The following FADS6 variants were observed in gnomAD, a reference collection of about 807,000 sequenced individuals.
The protein encoded by FADS6 is fatty acid desaturase 6.
In FADS6, 28 loss-of-function variants were observed where a neutral mutation model predicts 31.7. That is an observed-to-expected ratio of 0.88 (90% CI 0.66 to 1.21). The LOEUF (loss-of-function observed/expected upper bound fraction) is 1.21, where lower values mean the gene tolerates loss of function less well. Among genes scored for constraint, FADS6 ranks in the 50% most tolerant of loss-of-function variants. The pLI is 0.00. For synonymous variants in FADS6, 191 were observed against 213.1 expected (o/e 0.90, Z 0.90); for missense variants, 494 against 504.2 (o/e 0.98, Z 0.19).
At chr17:74,875,916 G>C (rs952175779), downstream of FADS6, among the ~76,000 whole-genome samples, 6 of 152,220 alleles carry the variant, frequency 3.9e-5, no homozygotes, top group Admixed American at 3.3e-4. Flanking sequence ...GTTTAATGAA[G>C]GAGTTTGTAT....
chr17:74,887,445 G>A (rs972255272), intron 2 of FADS6, among the ~76,000 whole-genome samples: 1 of 152,118 alleles, frequency 6.6e-6, no homozygotes, highest in Non-Finnish European at 1.5e-5. Context: ...TTCCCACCCT[G>A]AGCTCTCAGA....
At chr17:74,887,918 C>T (rs932513096) in intron 2 of FADS6, among the ~76,000 whole-genome samples, 1 of 152,120 alleles carries the variant, frequency 6.6e-6, no homozygotes. Flanking sequence ...TATCTCCTGA[C>T]CTCGTGATCC....
Position 74,877,358 on chromosome 17 carries a change from G to A in FADS6, c.*973C>T, listed in dbSNP as rs1162191228. The A allele has an allele frequency of 2.0e-5, 3 of 150,324 alleles. No individual in the cohort carries two copies. Among genetic ancestry groups the A allele is most frequent in the African/African-American group, 7.4e-5 (3 of 40,766 alleles). 9.3% of individuals were successfully genotyped at this position (150,324 alleles called of 1,614,324 possible). ...TTTATTTTTTTATTTTTTTGAGATG[G>A]AGTCTCGCTCTGTCACCCAGGCTGG... On this transcript the variant is annotated 3_prime_UTR_variant, in exon 6 of 6. Coordinates refer to ENST00000612771, the MANE Select transcript of FADS6 (RefSeq NM_178128.6).
intron 5 of FADS6, 149 bp from the exon 6 acceptor site, chr17:74,878,626 T>C (rs902953197): frequency 3.1e-6 from 3 of 953,820 alleles, no homozygotes; most frequent in Admixed American, 2.8e-5. Context: ...AGGGCTTAAG[T>C]CAGAGAATTC....
chr17:74,882,989 A>G, intron 2 of FADS6: 2 of 665,840 alleles, frequency 3.0e-6, no homozygotes, highest in Admixed American at 3.1e-5. Flanking sequence ...TCTGCCAGTG[A>G]CTGCCCAGGC....
intron 2 of FADS6, among the ~76,000 whole-genome samples, chr17:74,889,232 G>C (rs139844091): frequency 6.6e-6 from 1 of 152,314 alleles, no homozygotes; most frequent in Non-Finnish European, 1.5e-5. Flanking sequence ...GTTAATGCCT[G>C]AGGCTGCAGC....
chr17:74,881,197 C>T lies in FADS6; in HGVS notation c.651G>A (p.Leu217=), dbSNP rs367606556. 1.6e-5 allele frequency: 25 copies of T among 1,611,490 alleles called. No homozygotes were observed. The highest frequency in any genetic ancestry group is 2.0e-5 in the Non-Finnish European group (24 of 1,178,880). ...GCAGCCAGTAGTGAGAATAAAGGCC[C>T]AGAGAAATCAGGGCCAGCGTCCGCA... ...TALRTLALIS[L]GLYSHYWLLL... Residue 217 remains leucine (L), a synonymous_variant, in exon 4 of 6, where the codon CTG becomes CTA. Coordinates refer to ENST00000612771, the MANE Select transcript of FADS6 (RefSeq NM_178128.6).
rs1199687825 is a variant in FADS6, at chr17:74,878,220, C to T, written c.*111G>A. On this transcript the variant is annotated 3_prime_UTR_variant, in exon 6 of 6. Coordinates refer to ENST00000612771, the MANE Select transcript of FADS6 (RefSeq NM_178128.6). The stretch of plus-strand genomic sequence containing the variant: ...TGCCCCCCTGCCTGGCCGGTGCCTC[C>T]ACTCTCCAGGTCCACCACCAGCCAC... 17 of 1,454,514 alleles carry T rather than the reference C, an allele frequency of 1.2e-5. No homozygotes were observed. The highest frequency in any genetic ancestry group is 1.5e-5 in the Non-Finnish European group (17 of 1,105,442). 90.1% of individuals were successfully genotyped at this position (1,454,514 alleles called of 1,614,324 possible).
At chr17:74,879,357 TCTAACAGTCCCTTTATTCCAGCGCC>T in intron 5 of FADS6, 22 bp downstream of exon 5, 1 of 1,592,812 alleles carries the variant, frequency 6.3e-7, no homozygotes, top group Non-Finnish European at 8.6e-7. Context: ...CTTTCCATCC[TCTAACAGTCCCTTTATTCCAGCGCC>T]CCCAGCCCAG....
At chr17:74,891,654 G>C (rs1203759261) in intron 2 of FADS6, among the ~76,000 whole-genome samples, 2 of 152,142 alleles carry the variant, frequency 1.3e-5, no homozygotes, top group Non-Finnish European at 2.9e-5. Flanking sequence ...AGAAGCAGGG[G>C]ATAGTGCTAG....
intron 2 of FADS6, among the ~76,000 whole-genome samples, chr17:74,887,726 A>G (rs11650921): frequency 1.3e-5 from 2 of 152,132 alleles, no homozygotes; most frequent in Admixed American, 1.3e-4. Context: ...TTGCTCTCTC[A>G]CCAGGCTGGA....
At chr17:74,879,359 T>C (rs2038541816) in intron 5 of FADS6, 45 bp downstream of exon 5, 1 of 1,596,656 alleles carries the variant, frequency 6.3e-7, no homozygotes, top group South Asian at 1.1e-5. Flanking sequence ...TTCCATCCTC[T>C]AACAGTCCCT....
At position 74,879,415 on chromosome 17, in the gene FADS6, T is replaced by A; in HGVS notation, c.949A>T (p.Met317Leu). 1 of 1,613,708 alleles carries A rather than the reference T, an allele frequency of 6.2e-7. No homozygotes were observed. The highest frequency in any genetic ancestry group is 8.5e-7 in the Non-Finnish European group (1 of 1,179,756). Residue 317 changes from methionine to leucine, a missense_variant, in exon 5 of 6, where the codon ATG becomes TTG. Physicochemically the swap from Met to Leu is conservative, Grantham distance 15 (BLOSUM62 2). Transcript: ENST00000612771. Reference sequence around the variant, plus strand: ...CAGCCCTCGACTACCTTCAGGCACATGTTATCAGAGAGCCTGGGGAATAGA... The same window carrying A: ...CAGCCCTCGACTACCTTCAGGCACAAGTTATCAGAGAGCCTGGGGAATAGA... ...HHLFPRLSDN[M>L]CLKVKPVVSQ... is the part of the protein sequence containing the mutation.
chr17:74,886,186 C>T (rs769655332), intron 2 of FADS6, among the ~76,000 whole-genome samples: 2 of 145,540 alleles, frequency 1.4e-5, no homozygotes, highest in Non-Finnish European at 3.0e-5. Flanking sequence ...TTGCAGTGAG[C>T]GGAGATCCCG....
chr17:74,890,011 GC>G (rs1255616809), intron 2 of FADS6, among the ~76,000 whole-genome samples: 1 of 152,070 alleles, frequency 6.6e-6, no homozygotes, highest in Non-Finnish European at 1.5e-5. Flanking sequence ...ATTAAGGTCT[GC>G]ACTGTTTCAT....
Position 74,879,858 on chromosome 17 carries a change from C to G in FADS6, c.781-275G>C, listed in dbSNP as rs549558832. On this transcript the variant is annotated intron_variant, in intron 4 of 5. Transcript: ENST00000612771. Reference sequence around the variant, plus strand: ...ATGGTTCCCTAATGCTCTCAACTGCCTACCACTCAGTCTCATCACACCGTG... The same window carrying G: ...ATGGTTCCCTAATGCTCTCAACTGCGTACCACTCAGTCTCATCACACCGTG... 2.6e-5 allele frequency among the ~76,000 whole-genome samples: 4 copies of G among 152,322 alleles called. 1 individual carries two copies. In the South Asian group the frequency reaches 8.3e-4, roughly 32 times the overall value.
In FADS6 at chr17:74,880,331, G is replaced by A. The variant is rs2038554494; in HGVS notation, c.780+737C>T. On this transcript the variant is annotated intron_variant, in intron 4 of 5. Transcript: ENST00000612771. ...AGGAAGGCATGCTGACTATGTTGAGGAGAAGCTCACTTCATTATTATTATT... is the reference window on the plus strand; with the variant it reads ...AGGAAGGCATGCTGACTATGTTGAGAAGAAGCTCACTTCATTATTATTATT... 2.0e-5 allele frequency among the ~76,000 whole-genome samples: 3 copies of A among 152,184 alleles called. 1 individual carries two copies. The South Asian group carries it at 6.2e-4, about 32-fold the overall frequency.
In FADS6 at chr17:74,882,792, C is replaced by T. The variant is rs564203360; in HGVS notation, c.412-82G>A. 4.5e-6 allele frequency: 7 copies of T among 1,541,776 alleles called. No homozygotes were observed. In the African/African-American group the frequency reaches 6.8e-5, roughly 15 times the overall value. ...GCAGGACCTTTGAGAGCCCGGAGAA[C>T]ACCCCCACCTCCTCAAACCCTGCAT... On this transcript the variant is annotated intron_variant, in intron 2 of 5. Transcript: ENST00000612771.
chr17:74,891,902 G>C (rs2038693143), intron 2 of FADS6, among the ~76,000 whole-genome samples: 1 of 152,212 alleles, frequency 6.6e-6, no homozygotes, highest in Non-Finnish European at 1.5e-5. Flanking sequence ...GGTCCCCCTG[G>C]AAAGGAGGAG....
Sources: gnomAD v4.1 joint callset for allele counts (sites outside exome capture counted in the v4.1 genomes callset) on GRCh38, gnomAD v4.1.1 for gene constraint, MANE v1.5 for transcripts, NCBI Gene and HGNC (gene_info 2026-07-23, HGNC 2026-07-21) for gene names.